The following ARFGEF1 variants were observed in gnomAD, a reference collection of about 807,000 sequenced individuals.
ARFGEF1 encodes the protein brefeldin A-inhibited guanine nucleotide-exchange protein 1.
A neutral mutation model predicts 231.0 loss-of-function variants in ARFGEF1; 42 were observed. The ratio of observed to expected loss-of-function variants is 0.18; its 90% CI spans 0.14 to 0.24. The LOEUF is 0.24. Ranked by LOEUF, ARFGEF1 falls within the 10% of genes least tolerant of loss-of-function variation. The pLI, the probability that ARFGEF1 is intolerant of heterozygous loss-of-function variation, is 1.00. For missense variants in ARFGEF1, 1,345 were observed against 2,192.0 expected (o/e 0.61, Z 7.72); for synonymous variants, 710 against 732.3 (o/e 0.97, Z 0.49).
chr8:67,207,988 G>A (rs1459313758), intron 34 of ARFGEF1, among the ~76,000 whole-genome samples: 1 of 152,192 alleles, frequency 6.6e-6, no homozygotes, highest in Non-Finnish European at 1.5e-5. Flanking sequence ...ACTATGTGAA[G>A]ACCAAGTCCT....
At chr8:67,195,431 GGA>G, downstream of ARFGEF1, 1 of 1,614,182 alleles carries the variant, frequency 6.2e-7, no homozygotes, top group Non-Finnish European at 8.5e-7. Flanking sequence ...AACACATAGG[GGA>G]TGACGGATCA....
intron 1 of ARFGEF1, among the ~76,000 whole-genome samples, chr8:67,336,092 T>C (rs1056467905): frequency 6.6e-6 from 1 of 152,218 alleles, no homozygotes; most frequent in African/African-American, 2.4e-5. Context: ...AAAGATAACA[T>C]AGGTTATATA....
rs550181826 is a variant in ARFGEF1, at chr8:67,180,071, C to A, written c.561-4499G>T. 504 of 518,336 alleles carry A rather than the reference C, an allele frequency of 9.7e-4. 2 individuals carry two copies. Among genetic ancestry groups the A allele is most frequent in the African/African-American group, 9.4e-3 (477 of 50,596 alleles). 32.1% of individuals were successfully genotyped at this position (518,336 alleles called of 1,614,324 possible). On this transcript the variant is annotated intron_variant, in intron 5 of 5. Transcript: ENST00000518789. ...TTTTTTCTGTTTTAATCAGATATGC[C>A]TTGGAAAGTTTTCAAAATCAGAATT...
At position 67,301,346 on chromosome 8, in the gene ARFGEF1, T is replaced by C. The variant is rs1806479741; in HGVS notation, c.190A>G (p.Thr64Ala). The C allele has an allele frequency of 6.2e-7, 1 of 1,613,724 alleles. No homozygotes were observed. The highest frequency in any genetic ancestry group is 8.5e-7 in the Non-Finnish European group (1 of 1,179,932). Residue 64 changes from threonine (T) to alanine (A), a missense_variant, in exon 3 of 39, where the codon ACC becomes GCC. Thr to Ala is a moderately conservative substitution (Grantham distance 58, BLOSUM62 0). Transcript: ENST00000262215. ...PHGEAKAGSS[T>A]LPPVKSKTNF... ...GTCTTTGATTTCACTGGTGGAAGGG[T>C]GCTTGATCCAGCTTTTGCTTCTCCA...
chr8:67,217,716 C>A, intron 32 of ARFGEF1, 66 bp downstream of exon 32: 1 of 1,515,888 alleles, frequency 6.6e-7, no homozygotes, highest in Non-Finnish European at 9.0e-7. Context: ...AACTTTTAAT[C>A]ACTAGTCACT....
At chr8:67,190,132 A>G (rs1223935679) in intron 5 of ARFGEF1, among the ~76,000 whole-genome samples, 2 of 152,234 alleles carry the variant, frequency 1.3e-5, no homozygotes, top group Non-Finnish European at 2.9e-5. Flanking sequence ...TTGAATGTGA[A>G]TGTTCATAGC....
In ARFGEF1 at chr8:67,236,362, AAAAATATATATATATAT is replaced by A. The variant is rs1226021940; in HGVS notation, c.3289+1964_3289+1980del. ...AAAGATATTAGTTAAAAAAAAAAAA[AAAAATATATATATATAT>A]ATATATATATATATATATATATATA... On this transcript the variant is annotated intron_variant, in intron 22 of 38. Transcript: ENST00000262215. 2.4e-3 allele frequency among the ~76,000 whole-genome samples: 99 copies of A among 41,720 alleles called. 2 individuals are homozygous for A. The highest frequency in any genetic ancestry group is 0.011 in the African/African-American group (94 of 8,242). 27.4% of individuals were successfully genotyped at this position (41,720 alleles called of 152,430 possible). A position where few individuals can be genotyped will look rare whatever the true frequency, so the allele number is the denominator to read the frequency against.
At chr8:67,294,374 G>A (rs1587244481) in intron 5 of ARFGEF1, among the ~76,000 whole-genome samples, 1 of 152,124 alleles carries the variant, frequency 6.6e-6, no homozygotes, top group Admixed American at 6.5e-5. Context: ...TTATCACAAA[G>A]GAATAGCATT....
At chr8:67,286,684 T>C (rs912958011) in intron 7 of ARFGEF1, among the ~76,000 whole-genome samples, 2 of 152,150 alleles carry the variant, frequency 1.3e-5, no homozygotes, top group East Asian at 1.9e-4. Context: ...TTTTTTCTTC[T>C]CTATTTTTTA....
intron 34 of ARFGEF1, among the ~76,000 whole-genome samples, chr8:67,208,949 C>T (rs923347489): frequency 3.3e-5 from 5 of 152,080 alleles, no homozygotes; most frequent in African/African-American, 4.8e-5. Flanking sequence ...ACAAAAAAGG[C>T]GCTGGCAAAG....
intron 29 of ARFGEF1, among the ~76,000 whole-genome samples, chr8:67,224,055 G>A (rs1043826065): frequency 6.6e-6 from 1 of 152,100 alleles, no homozygotes; most frequent in Non-Finnish European, 1.5e-5. Context: ...ATTTAACCTT[G>A]GTGGGGGATG....
At chr8:67,241,047 T>C (rs1358054143) in intron 19 of ARFGEF1, among the ~76,000 whole-genome samples, 1 of 152,190 alleles carries the variant, frequency 6.6e-6, no homozygotes, top group Non-Finnish European at 1.5e-5. Flanking sequence ...TATAGCCATA[T>C]AGCCATAAAG....
At chr8:67,302,140 A>C (rs1162399267) in intron 2 of ARFGEF1, among the ~76,000 whole-genome samples, 1 of 152,124 alleles carries the variant, frequency 6.6e-6, no homozygotes, top group African/African-American at 2.4e-5. Context: ...CAGAAGTTGC[A>C]GTGAGCTGTG....
intron 36 of ARFGEF1, among the ~76,000 whole-genome samples, chr8:67,202,713 G>A (rs905161659): frequency 9.2e-5 from 14 of 152,128 alleles, no homozygotes; most frequent in African/African-American, 3.4e-4. Flanking sequence ...AGTAAACAGA[G>A]AAGCCATTCA....
chr8:67,259,271 C>T lies in ARFGEF1; in HGVS notation c.2235+544G>A, dbSNP rs537052644. Among the ~76,000 whole-genome samples, 124 of 152,318 alleles carry T rather than the reference C, an allele frequency of 8.1e-4. 2 individuals are homozygous for T. The South Asian group carries it at 0.025, about 31-fold the overall frequency. ...AGACAGACTCTCACTCTGTAGCCCA[C>T]GCTGGAGTGCAGTGGTGCAATCTTG... On this transcript the variant is annotated intron_variant, in intron 15 of 38. Transcript: ENST00000262215.
chr8:67,245,457 G>C (rs1587125940), intron 19 of ARFGEF1, among the ~76,000 whole-genome samples: 1 of 150,420 alleles, frequency 6.6e-6, no homozygotes, highest in Non-Finnish European at 1.5e-5. Context: ...AAAAGCAGGG[G>C]AACAAAGTTA....
At chr8:67,340,201 T>A (rs534155157) in intron 1 of ARFGEF1, among the ~76,000 whole-genome samples, 73 of 152,370 alleles carry the variant, frequency 4.8e-4, no homozygotes, top group Admixed American at 2.0e-3. Flanking sequence ...ATGTCTGACA[T>A]ACTATGTATT....
intron 1 of ARFGEF1, 52 bp from the exon 2 acceptor site, chr8:67,302,518 C>CT: frequency 1.5e-6 from 2 of 1,341,790 alleles, no homozygotes; most frequent in Non-Finnish European, 2.0e-6. Context: ...AGCAGAAAGA[C>CT]TGAGTAATTT....
At chr8:67,261,382 A>G (rs1008653865) in intron 14 of ARFGEF1, among the ~76,000 whole-genome samples, 1 of 152,170 alleles carries the variant, frequency 6.6e-6, no homozygotes, top group Non-Finnish European at 1.5e-5. Context: ...TTACCATTCC[A>G]AAGATCCCAG....
Sources: gnomAD v4.1 joint callset for allele counts (sites outside exome capture counted in the v4.1 genomes callset) on GRCh38, gnomAD v4.1.1 for gene constraint, MANE v1.5 for transcripts, NCBI Gene and HGNC (gene_info 2026-07-23, HGNC 2026-07-21) for gene names.